Variants in BMPR1B observed in about 807,000 individuals in gnomAD.
BMPR1B encodes the protein bone morphogenetic protein receptor type 1B.
A neutral mutation model predicts 59.1 loss-of-function variants in BMPR1B; 12 were observed. That is an observed-to-expected ratio of 0.20 (90% CI 0.13 to 0.33). The LOEUF (loss-of-function observed/expected upper bound fraction) is 0.33, where lower values mean the gene tolerates loss of function less well. BMPR1B is among the 10% of genes least tolerant of loss of function. The pLI, the probability that BMPR1B is intolerant of heterozygous loss-of-function variation, is 1.00. For missense variants in BMPR1B, 550 were observed against 610.9 expected, an observed-to-expected ratio of 0.90 and a Z score of 1.05; for synonymous variants, 237 against 207.3, an observed-to-expected ratio of 1.14 and a Z score of -1.23.
At chr4:95,024,968 G>C (rs1437245564) in intron 3 of BMPR1B, among the ~76,000 whole-genome samples, 1 of 152,168 alleles carries the variant, frequency 6.6e-6, no homozygotes, top group Non-Finnish European at 1.5e-5. Context: ...GGGCGTGGTG[G>C]TGCGTGCCTG....
intron 3 of BMPR1B, among the ~76,000 whole-genome samples, chr4:95,017,903 A>T (rs1723696600): frequency 6.6e-6 from 1 of 152,210 alleles, no homozygotes; most frequent in Non-Finnish European, 1.5e-5. Context: ...TTTTATGTCA[A>T]CATCAAAAAG....
intron 3 of BMPR1B, among the ~76,000 whole-genome samples, chr4:95,025,375 T>A (rs1436571513): frequency 6.6e-6 from 1 of 152,158 alleles, no homozygotes; most frequent in Admixed American, 6.6e-5. Context: ...TGGAGAACTG[T>A]GTCCATGGCA....
At chr4:94,974,163 A>G (rs1017798351) in intron 2 of BMPR1B, among the ~76,000 whole-genome samples, 7 of 152,122 alleles carry the variant, frequency 4.6e-5, no homozygotes, top group African/African-American at 1.7e-4. Context: ...GATTATTTTT[A>G]TGGCTGTGGT....
Position 95,020,474 on chromosome 4 carries a change from G to A in BMPR1B, c.-18+24340G>A, listed in dbSNP as rs148722487. 7.7e-3 allele frequency among the ~76,000 whole-genome samples: 1,170 copies of A among 151,958 alleles called. 6 individuals carry two copies. The highest frequency in any genetic ancestry group is 0.011 in the Non-Finnish European group (779 of 67,980). On this transcript the variant is annotated intron_variant, in intron 3 of 12. Coordinates refer to ENST00000515059, the MANE Select transcript of BMPR1B (RefSeq NM_001203.3). Reference sequence around the variant, plus strand: ...CATGCCTGTAGTCCCAAGTACTCAGGAGGCTGAGGCAGGAGAATTGCTTGA... The same window carrying A: ...CATGCCTGTAGTCCCAAGTACTCAGAAGGCTGAGGCAGGAGAATTGCTTGA...
At chr4:95,132,133 A>G (rs951120921) in intron 10 of BMPR1B, among the ~76,000 whole-genome samples, 2 of 152,200 alleles carry the variant, frequency 1.3e-5, no homozygotes, top group East Asian at 3.9e-4. Flanking sequence ...TACTTTAATC[A>G]GAGAGGCTCC....
At chr4:94,988,580 A>G (rs558279443) in intron 2 of BMPR1B, among the ~76,000 whole-genome samples, 1 of 152,328 alleles carries the variant, frequency 6.6e-6, no homozygotes, top group Non-Finnish European at 1.5e-5. Flanking sequence ...GATTTAGTTT[A>G]TTCCATGTTT....
At chr4:94,952,461 C>G (rs573988836) in intron 2 of BMPR1B, among the ~76,000 whole-genome samples, 20 of 152,110 alleles carry the variant, frequency 1.3e-4, no homozygotes, top group Non-Finnish European at 2.8e-4. Flanking sequence ...TACATTGTGT[C>G]TTCGTTCTCA....
At chr4:94,962,072 TTTCCTTCC>T (rs199574448) in intron 2 of BMPR1B, among the ~76,000 whole-genome samples, 14,530 of 117,828 alleles carry the variant, frequency 0.12, 994 homozygotes, top group South Asian at 0.18. Context: ...CTTTCTTTTC[TTTCCTTCC>T]TTCCTTCCTT....
intron 1 of BMPR1B, among the ~76,000 whole-genome samples, chr4:94,811,907 A>AT (rs1381937957): frequency 6.6e-6 from 1 of 152,154 alleles, no homozygotes; most frequent in African/African-American, 2.4e-5. Flanking sequence ...GTGGAAATTT[A>AT]TTTTTCATAG....
intron 1 of BMPR1B, among the ~76,000 whole-genome samples, chr4:94,793,462 A>C (rs963259166): frequency 6.6e-6 from 1 of 151,226 alleles, no homozygotes; most frequent in Admixed American, 6.6e-5. Context: ...ATCGTGAATA[A>C]TGCCGCAATA....
At chr4:95,054,554 C>G (rs553625223) in intron 3 of BMPR1B, among the ~76,000 whole-genome samples, 16 of 152,214 alleles carry the variant, frequency 1.1e-4, no homozygotes, top group African/African-American at 3.9e-4. Context: ...TTAATTTCTA[C>G]TTGAAATGGA....
At position 94,944,360 on chromosome 4, in the gene BMPR1B, C is replaced by T. The variant is rs558687550; in HGVS notation, c.-112-51680C>T. On this transcript the variant is annotated intron_variant, in intron 2 of 12. Transcript: ENST00000515059. ...AATACTAAAATTAGGAAACTGGACT[C>T]CTCTTCCATATCTGCTTCTGATCCG... Among the ~76,000 whole-genome samples, 4 of 152,240 alleles carry T rather than the reference C, an allele frequency of 2.6e-5. No individual in the cohort carries two copies. The South Asian group carries it at 8.3e-4, about 32-fold the overall frequency.
At chr4:95,000,570 A>G (rs1722374140) in intron 3 of BMPR1B, among the ~76,000 whole-genome samples, 1 of 152,126 alleles carries the variant, frequency 6.6e-6, no homozygotes, top group Non-Finnish European at 1.5e-5. Context: ...TGCCTTAGCA[A>G]AGAGTTTTAG....
intron 3 of BMPR1B, among the ~76,000 whole-genome samples, chr4:95,036,689 T>C (rs1158508625): frequency 6.9e-6 from 1 of 145,640 alleles, no homozygotes; most frequent in Non-Finnish European, 1.5e-5. Context: ...AGATATCTCT[T>C]CAATATACAA....
chr4:95,118,885 G>C (rs929860243), intron 6 of BMPR1B, among the ~76,000 whole-genome samples: 21 of 152,126 alleles, frequency 1.4e-4, no homozygotes, highest in African/African-American at 4.8e-4. Flanking sequence ...GCAAATAAAA[G>C]GCAAATGGGA....
chr4:95,051,719 T>G (rs1288747524), intron 3 of BMPR1B: 1 of 1,535,644 alleles, frequency 6.5e-7, no homozygotes, highest in East Asian at 2.4e-5. Context: ...CTGGAAGAAC[T>G]AAACTGGCAG....
At chr4:94,770,624 C>A (rs1213189359) in intron 1 of BMPR1B, among the ~76,000 whole-genome samples, 1 of 152,030 alleles carries the variant, frequency 6.6e-6, no homozygotes, top group Admixed American at 6.6e-5. Context: ...TATATTTCCT[C>A]TTTTACATCA....
At chr4:94,964,632 G>A (rs1730487949) in intron 2 of BMPR1B, among the ~76,000 whole-genome samples, 1 of 152,144 alleles carries the variant, frequency 6.6e-6, no homozygotes, top group Non-Finnish European at 1.5e-5. Context: ...AAGCGGAGAT[G>A]CCATTTCTCC....
intron 10 of BMPR1B, among the ~76,000 whole-genome samples, chr4:95,144,188 T>A (rs1734461051): frequency 6.6e-6 from 1 of 152,168 alleles, no homozygotes; most frequent in African/African-American, 2.4e-5. Context: ...GTTTATTGAT[T>A]TTTTGAGATG....
Sources: allele counts gnomAD v4.1 joint callset (sites outside exome capture counted in the v4.1 genomes callset), GRCh38; gene constraint gnomAD v4.1.1; transcripts MANE v1.5; gene names NCBI Gene and HGNC (gene_info 2026-07-23, HGNC 2026-07-21).